Variants in HS3ST4 observed in about 807,000 individuals in gnomAD.
The protein encoded by HS3ST4 is heparan sulfate glucosamine 3-O-sulfotransferase 4.
Under a neutral mutation model 29.2 loss-of-function variants are expected in HS3ST4, and 17 were observed. The observed-to-expected ratio is 0.58, with a 90% CI of 0.40 to 0.87. HS3ST4 has a LOEUF of 0.87. Ranked by LOEUF, HS3ST4 falls within the 40% of genes least tolerant of loss-of-function variation. HS3ST4 has a pLI of 0.00. For missense variants in HS3ST4, 627 were observed against 634.5 expected (o/e 0.99, Z 0.13); for synonymous variants, 314 against 285.7 (o/e 1.10, Z -1.00).
chr16:25,992,707 T>TG (rs2141729127), intron 1 of HS3ST4, among the ~76,000 whole-genome samples: 1 of 152,360 alleles, frequency 6.6e-6, no homozygotes, highest in East Asian at 1.9e-4. Context: ...GGCGAAACTT[T>TG]GAGGCTAAGG....
chr16:26,046,370 C>G (rs952594564), intron 1 of HS3ST4, among the ~76,000 whole-genome samples: 1 of 151,952 alleles, frequency 6.6e-6, no homozygotes, highest in African/African-American at 2.4e-5. Flanking sequence ...AGGCTGGTCC[C>G]GAACTCTTGA....
chr16:26,132,170 A>G (rs545744356), intron 1 of HS3ST4, among the ~76,000 whole-genome samples: 1 of 152,296 alleles, frequency 6.6e-6, no homozygotes, highest in South Asian at 2.1e-4. Flanking sequence ...CTGTTACATT[A>G]CCCATAGTGA....
rs4238915 is a variant in HS3ST4 at position 25,725,162 on chromosome 16, T to A, written c.734+32011T>A. Among the ~76,000 whole-genome samples, 68 of 151,742 alleles carry A rather than the reference T, an allele frequency of 4.5e-4. 2 individuals carry two copies. In the East Asian group the frequency reaches 0.012, roughly 28 times the overall value. On this transcript the variant is annotated intron_variant, in intron 1 of 1. Transcript: ENST00000331351. Reference sequence around the variant, plus strand: ...AGGCACCCTTTTCCAGAAATGCTGCTTCTCTAAATGCATGGGCATGCAGCA... The same window carrying A: ...AGGCACCCTTTTCCAGAAATGCTGCATCTCTAAATGCATGGGCATGCAGCA...
intron 1 of HS3ST4, chr16:25,826,365 A>G (rs1171444565): frequency 1.3e-5 from 2 of 152,140 alleles, no homozygotes; most frequent in East Asian, 1.9e-4. Context: ...GAGGTACTGG[A>G]GGTTAACTTA....
intron 1 of HS3ST4, among the ~76,000 whole-genome samples, chr16:26,120,612 C>G (rs943059288): frequency 6.6e-6 from 1 of 152,208 alleles, no homozygotes; most frequent in African/African-American, 2.4e-5. Flanking sequence ...CACACTCGCT[C>G]TTCACAGGAA....
chr16:25,815,973 T>A (rs2141630812), intron 1 of HS3ST4, among the ~76,000 whole-genome samples: 1 of 152,284 alleles, frequency 6.6e-6, no homozygotes, highest in Non-Finnish European at 1.5e-5. Context: ...GATAACATAA[T>A]CAATTTACAT....
At chr16:25,810,931 G>A (rs1282868065) in intron 1 of HS3ST4, among the ~76,000 whole-genome samples, 3 of 152,180 alleles carry the variant, frequency 2.0e-5, no homozygotes, top group African/African-American at 7.2e-5. Context: ...GGACTTTTGA[G>A]TGAGACAGAT....
At chr16:26,081,723 A>T (rs1354028505) in intron 1 of HS3ST4, among the ~76,000 whole-genome samples, 1 of 151,730 alleles carries the variant, frequency 6.6e-6, no homozygotes, top group Admixed American at 6.6e-5. Context: ...GAGGCCAGGA[A>T]GAGAACAAGC....
At position 25,823,147 on chromosome 16, in the gene HS3ST4, A is replaced by T. The variant is rs1308196850; in HGVS notation, c.734+129996A>T. On this transcript the variant is annotated intron_variant, in intron 1 of 1. Coordinates refer to ENST00000331351, the MANE Select transcript of HS3ST4 (RefSeq NM_006040.3). ...TTTGCACCTGCTATGTTTAGGAAAG[A>T]TTCCCAGAAATATGTGCCAAGTGGC... Among the ~76,000 whole-genome samples the T allele has an allele frequency of 2.6e-5, 4 of 152,186 alleles. No homozygotes were observed. In the East Asian group the frequency reaches 7.7e-4, roughly 29 times the overall value.
At chr16:25,817,082 T>G (rs575652538) in intron 1 of HS3ST4, among the ~76,000 whole-genome samples, 4 of 152,352 alleles carry the variant, frequency 2.6e-5, no homozygotes, top group Admixed American at 2.6e-4. Context: ...TGCATTGCAT[T>G]TCAAAGCTGC....
intron 1 of HS3ST4, among the ~76,000 whole-genome samples, chr16:25,970,108 A>C (rs1429362868): frequency 6.6e-6 from 1 of 152,250 alleles, no homozygotes. Context: ...ATGTGAGCAC[A>C]ACTCCCTTCT....
At chr16:25,824,239 C>T (rs752808145) in intron 1 of HS3ST4, among the ~76,000 whole-genome samples, 8 of 151,718 alleles carry the variant, frequency 5.3e-5, no homozygotes, top group Non-Finnish European at 1.0e-4. Context: ...CAAGACCTGG[C>T]CTGAATACTC....
At chr16:26,057,724 CA>C (rs1898426873) in intron 1 of HS3ST4, among the ~76,000 whole-genome samples, 1 of 151,656 alleles carries the variant, frequency 6.6e-6, no homozygotes, top group African/African-American at 2.4e-5. Context: ...AGCCTGGTGA[CA>C]GAATGAGGCT....
At chr16:25,732,611 CA>C (rs201457382) in intron 1 of HS3ST4, among the ~76,000 whole-genome samples, 9 of 151,378 alleles carry the variant, frequency 5.9e-5, no homozygotes, top group African/African-American at 9.7e-5. Flanking sequence ...AAAGGAGTAT[CA>C]AAAAAAAGGA....
chr16:26,092,489 G>A (rs1395430094), intron 1 of HS3ST4, among the ~76,000 whole-genome samples: 1 of 152,152 alleles, frequency 6.6e-6, no homozygotes, highest in Admixed American at 6.5e-5. Context: ...CCTACAAGGT[G>A]GGAACATTGT....
chr16:25,739,648 G>A (rs1032117477), intron 1 of HS3ST4, among the ~76,000 whole-genome samples: 25 of 152,224 alleles, frequency 1.6e-4, no homozygotes, highest in African/African-American at 6.0e-4. Context: ...TTGGATGGGT[G>A]ATGTCTTAAG....
intron 1 of HS3ST4, among the ~76,000 whole-genome samples, chr16:25,760,188 G>A (rs1286546783): frequency 1.3e-5 from 2 of 152,080 alleles, no homozygotes; most frequent in African/African-American, 4.8e-5. Context: ...CACTGTTAAA[G>A]CCACTGGGTG....
intron 1 of HS3ST4, among the ~76,000 whole-genome samples, chr16:26,097,047 A>G (rs937121350): frequency 2.6e-5 from 4 of 152,230 alleles, no homozygotes; most frequent in Admixed American, 2.6e-4. Flanking sequence ...GACCTCTTCA[A>G]GGAGAACTAC....
chr16:25,775,842 T>C (rs933465967), intron 1 of HS3ST4, among the ~76,000 whole-genome samples: 1 of 152,208 alleles, frequency 6.6e-6, no homozygotes. Context: ...GTTATGTCTC[T>C]TCATCAGATC....
Sources: allele counts gnomAD v4.1 joint callset (sites outside exome capture counted in the v4.1 genomes callset), GRCh38; gene constraint gnomAD v4.1.1; transcripts MANE v1.5; gene names NCBI Gene and HGNC (gene_info 2026-07-23, HGNC 2026-07-21).